ELMO1: variants seen among roughly 807,000 people sequenced by gnomAD.
The protein encoded by ELMO1 is engulfment and cell motility 1.
A neutral mutation model predicts 98.9 loss-of-function variants in ELMO1; 26 were observed. The observed-to-expected ratio is 0.26, with a 90% CI of 0.19 to 0.36. The LOEUF is 0.36. Ranked by LOEUF, ELMO1 falls within the 10% of genes least tolerant of loss-of-function variation. The pLI is 1.00. For synonymous variants in ELMO1, 346 were observed against 346.0 expected, an observed-to-expected ratio of 1.00 and a Z score of 0.00; for missense variants, 627 against 935.2, an observed-to-expected ratio of 0.67 and a Z score of 4.30.
intron 13 of ELMO1, among the ~76,000 whole-genome samples, chr7:37,187,989 T>C (rs551350680): frequency 4.6e-5 from 7 of 152,104 alleles, no homozygotes; most frequent in Admixed American, 3.3e-4. Context: ...TAATCATTTC[T>C]ATTACCTTGT....
intron 16 of ELMO1, among the ~76,000 whole-genome samples, chr7:37,005,107 C>CAAAAAAAAA (rs35665315): frequency 1.2e-3 from 44 of 38,192 alleles, no homozygotes; most frequent in Non-Finnish European, 1.5e-3. Flanking sequence ...GGCTCTGTCT[C>CAAAAAAAAA]AAAAAAAAAA....
intron 1 of ELMO1, among the ~76,000 whole-genome samples, chr7:37,385,988 C>G (rs1260743615): frequency 6.6e-6 from 1 of 152,160 alleles, no homozygotes; most frequent in Non-Finnish European, 1.5e-5. Context: ...AGATCTAGGC[C>G]CCTCCTCAAC....
intron 1 of ELMO1, among the ~76,000 whole-genome samples, chr7:37,385,212 T>C (rs1802746914): frequency 6.6e-6 from 1 of 152,248 alleles, no homozygotes; most frequent in East Asian, 1.9e-4. Flanking sequence ...AGTCAGGTCA[T>C]GTGGCTGCCC....
intron 13 of ELMO1, among the ~76,000 whole-genome samples, chr7:37,140,464 T>C (rs1162001375): frequency 6.6e-6 from 1 of 151,396 alleles, no homozygotes; most frequent in Non-Finnish European, 1.5e-5. Context: ...CCTCTAGCCA[T>C]TGGCTTAGGC....
chr7:37,323,036 G>T (rs1002222536), intron 2 of ELMO1, among the ~76,000 whole-genome samples: 2 of 152,120 alleles, frequency 1.3e-5, no homozygotes, highest in African/African-American at 4.8e-5. Flanking sequence ...GGGGATCAAG[G>T]CCCATAAGCA....
chr7:36,989,273 A>G (rs1791712406), intron 16 of ELMO1, among the ~76,000 whole-genome samples: 1 of 152,206 alleles, frequency 6.6e-6, no homozygotes, highest in Non-Finnish European at 1.5e-5. Context: ...AACAACAACA[A>G]CAAAAAAGTA....
chr7:37,107,003 AG>A (rs1418322791), intron 14 of ELMO1, among the ~76,000 whole-genome samples: 1 of 152,164 alleles, frequency 6.6e-6, no homozygotes, highest in Non-Finnish European at 1.5e-5. Flanking sequence ...TTGAAAATCA[AG>A]GCACTGCTTC....
intron 16 of ELMO1, among the ~76,000 whole-genome samples, chr7:36,996,272 T>C (rs989797752): frequency 6.6e-6 from 1 of 152,188 alleles, no homozygotes; most frequent in African/African-American, 2.4e-5. Context: ...TCCATAAGAC[T>C]GTTTGTTCTG....
chr7:36,933,003 ACT>A (rs1214477819), intron 16 of ELMO1, among the ~76,000 whole-genome samples: 1 of 152,032 alleles, frequency 6.6e-6, no homozygotes. Flanking sequence ...GTAGAGACTG[ACT>A]CTGAAAAGTT....
At chr7:37,048,760 C>T (rs181800272) in intron 15 of ELMO1, among the ~76,000 whole-genome samples, 2 of 152,304 alleles carry the variant, frequency 1.3e-5, no homozygotes, top group Admixed American at 1.3e-4. Context: ...ATTACCTTAG[C>T]TCAAAATCAC....
intron 7 of ELMO1, among the ~76,000 whole-genome samples, chr7:37,241,016 T>C (rs947356914): frequency 2.6e-5 from 4 of 152,122 alleles, no homozygotes; most frequent in African/African-American, 9.7e-5. Flanking sequence ...TCCTTAACAT[T>C]TTGCCTAGTT....
intron 16 of ELMO1, among the ~76,000 whole-genome samples, chr7:36,967,251 G>A (rs1789522642): frequency 6.6e-6 from 1 of 151,806 alleles, no homozygotes; most frequent in Admixed American, 6.6e-5. Flanking sequence ...ACTAAAAATT[G>A]GAATCAAGTT....
intron 13 of ELMO1, among the ~76,000 whole-genome samples, chr7:37,142,175 A>G (rs759437780): frequency 2.6e-5 from 4 of 152,258 alleles, no homozygotes; most frequent in Admixed American, 1.3e-4. Context: ...TCCAGTCTTA[A>G]TTGGAAATAA....
At chr7:36,880,845 A>C (rs1190679023) in intron 18 of ELMO1, among the ~76,000 whole-genome samples, 1 of 152,218 alleles carries the variant, frequency 6.6e-6, no homozygotes, top group African/African-American at 2.4e-5. Flanking sequence ...CAAGAGGCAA[A>C]ACAGCCATCT....
At chr7:36,905,469 G>A (rs987364421) in intron 16 of ELMO1, among the ~76,000 whole-genome samples, 1 of 152,188 alleles carries the variant, frequency 6.6e-6, no homozygotes, top group African/African-American at 2.4e-5. Context: ...AGACTGGATG[G>A]ATTTTTCTTT....
intron 16 of ELMO1, among the ~76,000 whole-genome samples, chr7:36,945,176 A>G (rs1584413395): frequency 6.6e-6 from 1 of 152,292 alleles, no homozygotes; most frequent in Admixed American, 6.5e-5. Context: ...ATGATTGTTT[A>G]ATTGCACAAG....
chr7:37,431,350 AATT>A (rs1804924871), intron 1 of ELMO1, among the ~76,000 whole-genome samples: 1 of 71,662 alleles, frequency 1.4e-5, no homozygotes, highest in African/African-American at 3.3e-5. Context: ...AATAAAAAAA[AATT>A]AATTAATTTA....
At chr7:37,171,925 A>T (rs140039741) in intron 13 of ELMO1, among the ~76,000 whole-genome samples, 42 of 152,342 alleles carry the variant, frequency 2.8e-4, no homozygotes, top group African/African-American at 8.7e-4. Flanking sequence ...AAATTCACCA[A>T]GTTGGGTCTT....
chr7:37,105,258 T>C (rs1247049336), intron 14 of ELMO1, among the ~76,000 whole-genome samples: 1 of 152,174 alleles, frequency 6.6e-6, no homozygotes, highest in Non-Finnish European at 1.5e-5. Flanking sequence ...ATGACTTCTG[T>C]TTGTGCCTAC....
Sources: allele counts gnomAD v4.1 joint callset (sites outside exome capture counted in the v4.1 genomes callset), GRCh38; gene constraint gnomAD v4.1.1; transcripts MANE v1.5; gene names NCBI Gene and HGNC (gene_info 2026-07-23, HGNC 2026-07-21).